Variants in RUFY4 observed in about 807,000 individuals in gnomAD.
RUFY4 encodes the protein RUN and FYVE domain containing 4.
Under a neutral mutation model 69.0 loss-of-function variants are expected in RUFY4, and 73 were observed. The ratio of observed to expected loss-of-function variants is 1.06; its 90% confidence interval spans 0.88 to 1.29. RUFY4 has a LOEUF of 1.29. RUFY4 is among the 50% of genes most tolerant of loss of function. The pLI, the probability that RUFY4 is intolerant of heterozygous loss-of-function variation, is 0.00. For synonymous variants in RUFY4, 287 were observed against 271.8 expected (o/e 1.06, Z -0.55); for missense variants, 770 against 705.6 (o/e 1.09, Z -1.03).
Position 218,075,333 on chromosome 2 carries a change from G to A in RUFY4, c.841G>A (p.Ala281Thr), listed in dbSNP as rs780384790. 4.7e-5 allele frequency: 76 copies of A among 1,610,968 alleles called. No homozygotes were observed. The highest frequency in any genetic ancestry group is 6.2e-5 in the Non-Finnish European group (73 of 1,178,730). Reference sequence around the variant, plus strand: ...GCTTCAGCTAGACCAGGAGGAAAGAGCCCCATGGATTGAGATCTTCCTGGG... The same window carrying A: ...GCTTCAGCTAGACCAGGAGGAAAGAACCCCATGGATTGAGATCTTCCTGGG... Residue 281 changes from alanine to threonine, a missense_variant, in exon 7 of 11, where the codon GCC (alanine) becomes ACC (threonine). Coordinates refer to ENST00000344321, the Ensembl canonical transcript of RUFY4.
At chr2:218,037,917 C>A (rs913150509) in intron 2 of RUFY4, among the ~76,000 whole-genome samples, 19 of 152,094 alleles carry the variant, frequency 1.2e-4, no homozygotes, top group Admixed American at 3.9e-4. Flanking sequence ...TTTCTGTAAT[C>A]TATAGATAGT....
chr2:218,076,566 G>A, intron 8 of RUFY4, 33 bp downstream of exon 10: 1 of 1,546,582 alleles, frequency 6.5e-7, no homozygotes, highest in Non-Finnish European at 8.7e-7. Context: ...CAGGGCACCT[G>A]GAAGTGCTCC....
chr2:218,046,150 G>T (rs1025579354), intron 2 of RUFY4, among the ~76,000 whole-genome samples: 2 of 151,926 alleles, frequency 1.3e-5, no homozygotes, highest in Non-Finnish European at 2.9e-5. Flanking sequence ...TCAGATCAGG[G>T]TAATTAGCAC....
At chr2:218,087,467 A>C (rs544840518) in intron 9 of RUFY4, among the ~76,000 whole-genome samples, 1 of 152,316 alleles carries the variant, frequency 6.6e-6, no homozygotes, top group African/African-American at 2.4e-5. Flanking sequence ...ATTACAGAAC[A>C]GGAGTCATAA....
chr2:218,089,244 C>G lies in RUFY4; in HGVS notation c.1503-8C>G, dbSNP rs202007290. 128 of 1,607,422 alleles carry G rather than the reference C, an allele frequency of 8.0e-5. No homozygotes were observed. Among genetic ancestry groups the G allele is most frequent in the Non-Finnish European group, 1.1e-5 (13 of 1,174,588 alleles). On this transcript the variant is annotated splice_region_variant and splice_polypyrimidine_tract_variant and intron_variant, in intron 9 of 10. Transcript: ENST00000344321. The stretch of plus-strand genomic sequence containing the variant: ...GTCTGTGTCTCTCCACCTTCATCCC[C>G]CCATCAGAGAGAAGGACCGCCTGTG...
At position 218,076,549 on chromosome 2, in the gene RUFY4, C is replaced by T. The variant is rs1213381153; in HGVS notation, c.1355+16C>T. On this transcript the variant is annotated intron_variant, in intron 8 of 10. Coordinates refer to ENST00000344321, the Ensembl canonical transcript of RUFY4. Reference sequence around the variant, plus strand: ...AGCTCAGCAGGTAACCTTGGCAACCCACAGCACAGGGCACCTGGAAGTGCT... The same window carrying T: ...AGCTCAGCAGGTAACCTTGGCAACCTACAGCACAGGGCACCTGGAAGTGCT... 2 of 1,549,410 alleles carry T rather than the reference C, an allele frequency of 1.3e-6. No individual in the cohort carries two copies. Among genetic ancestry groups the T allele is most frequent in the African/African-American group, 2.7e-5 (2 of 72,994 alleles).
intron 2 of RUFY4, among the ~76,000 whole-genome samples, chr2:218,036,674 G>A (rs1958984732): frequency 6.6e-6 from 1 of 152,236 alleles, no homozygotes; most frequent in Non-Finnish European, 1.5e-5. Flanking sequence ...ATGCTGCCAA[G>A]TGAAAGGGGT....
exon 7 of RUFY4, chr2:218,075,491 C>T: frequency 1.9e-6 from 3 of 1,586,048 alleles, no homozygotes; most frequent in East Asian, 4.5e-5. Context: ...AGGGGACTCA[C>T]AAAAAGGAAG....
At chr2:218,069,409 A>G (rs1689426309), upstream of RUFY4, 2 of 152,130 alleles carry the variant, frequency 1.3e-5, no homozygotes, top group African/African-American at 4.8e-5. Flanking sequence ...GCCAGGAGCC[A>G]GGGGAGGAAA....
chr2:218,042,953 A>T (rs1010196948), intron 2 of RUFY4, among the ~76,000 whole-genome samples: 1 of 152,162 alleles, frequency 6.6e-6, no homozygotes, highest in Non-Finnish European at 1.5e-5. Flanking sequence ...TAGTTTTGTG[A>T]TTGGAGTGTT....
exon 7 of RUFY4, chr2:218,075,242 A>G: frequency 1.3e-6 from 2 of 1,571,110 alleles, no homozygotes. Context: ...TCTTTTTGGA[A>G]AAGAAGGGGG....
At chr2:218,060,890 G>A in intron 3 of RUFY4, 1 of 1,164,818 alleles carries the variant, frequency 8.6e-7, no homozygotes, top group Non-Finnish European at 1.3e-6. Flanking sequence ...AGATGCGTAG[G>A]GACAGTAACA....
intron 2 of RUFY4, among the ~76,000 whole-genome samples, chr2:218,071,417 C>T (rs1482210850): frequency 2.0e-5 from 3 of 152,244 alleles, no homozygotes; most frequent in South Asian, 4.1e-4. Context: ...GCTCCTGCCT[C>T]GGGGCCTTTG....
intron 2 of RUFY4, among the ~76,000 whole-genome samples, chr2:218,055,267 C>A (rs1689037053): frequency 1.3e-5 from 2 of 151,986 alleles, no homozygotes; most frequent in Admixed American, 1.3e-4. Context: ...TCATGGCAGG[C>A]ACCTGTAGTC....
chr2:218,045,485 C>A (rs115871831), intron 2 of RUFY4, among the ~76,000 whole-genome samples: 3 of 151,480 alleles, frequency 2.0e-5, no homozygotes, highest in African/African-American at 7.3e-5. Flanking sequence ...ATTGACAGCT[C>A]ATAAAAAAGA....
chr2:218,047,077 A>T (rs1452797749), intron 2 of RUFY4, among the ~76,000 whole-genome samples: 1 of 151,218 alleles, frequency 6.6e-6, no homozygotes, highest in East Asian at 1.9e-4. Flanking sequence ...CTCTTTTAGT[A>T]TTGAAAAGAT....
At chr2:218,090,024 C>T (rs189830106) in exon 11 of RUFY4, 155 of 1,557,488 alleles carry the variant, frequency 1.0e-4, no homozygotes, top group African/African-American at 2.2e-4. Flanking sequence ...GCCCACCCTG[C>T]GCCCAGGGAA....
chr2:218,087,767 T>A (rs1197857237), intron 9 of RUFY4, among the ~76,000 whole-genome samples: 1 of 152,072 alleles, frequency 6.6e-6, no homozygotes, highest in Non-Finnish European at 1.5e-5. Context: ...AGGCAGAGGT[T>A]GCAGTTAGCC....
intron 8 of RUFY4, among the ~76,000 whole-genome samples, chr2:218,079,920 GA>G (rs1037488147): frequency 6.6e-6 from 1 of 152,074 alleles, no homozygotes; most frequent in African/African-American, 2.4e-5. Flanking sequence ...GGATGCTAGG[GA>G]AAAAAACAAA....
Sources: allele counts gnomAD v4.1 joint callset (sites outside exome capture counted in the v4.1 genomes callset), GRCh38; gene constraint gnomAD v4.1.1; transcripts MANE v1.5; gene names NCBI Gene and HGNC (gene_info 2026-07-23, HGNC 2026-07-21).